Variants in RPS6KC1 observed in about 807,000 individuals in gnomAD.
RPS6KC1 encodes inactive ribosomal protein S6 kinase delta-1.
A neutral mutation model predicts 103.8 loss-of-function variants in RPS6KC1; 54 were observed. That is an observed-to-expected ratio of 0.52 (90% CI 0.42 to 0.65). RPS6KC1 has a LOEUF of 0.65. RPS6KC1 is among the 30% of genes least tolerant of loss of function. The pLI, the probability that RPS6KC1 is intolerant of heterozygous loss-of-function variation, is 0.00. For synonymous variants in RPS6KC1, 439 were observed against 438.7 expected (o/e 1.00, Z -0.01); for missense variants, 1,151 against 1,253.8 (o/e 0.92, Z 1.24).
At chr1:213,632,896 C>T in the RPS6KC1 span, among the ~76,000 whole-genome samples, 20,777 of 152,016 alleles carry the variant, frequency 0.14, 2,187 homozygotes, top group African/African-American at 0.29. Context: ...AACTACGTGA[C>T]GCATGCACAA....
chr1:213,540,310 G>T, the RPS6KC1 span, among the ~76,000 whole-genome samples: 11 of 152,084 alleles, frequency 7.2e-5, 1 homozygote, highest in African/African-American at 2.7e-4. Flanking sequence ...TAGAAACAAG[G>T]TCTCACTATG....
intron 6 of RPS6KC1, among the ~76,000 whole-genome samples, chr1:213,133,154 G>A (rs914417886): frequency 2.6e-5 from 4 of 152,072 alleles, no homozygotes; most frequent in Non-Finnish European, 4.4e-5. Flanking sequence ...AGGTCTTTAT[G>A]GATTTAAGAG....
chr1:213,234,690 A>C (rs989926686), intron 10 of RPS6KC1, among the ~76,000 whole-genome samples: 8 of 152,176 alleles, frequency 5.3e-5, no homozygotes, highest in Non-Finnish European at 1.2e-4. Context: ...CAGAGTAAGG[A>C]CTTTGACTTT....
chr1:213,077,893 C>T, intron 3 of RPS6KC1, 77 bp downstream of exon 3: 1 of 733,810 alleles, frequency 1.4e-6, no homozygotes, highest in Admixed American at 4.0e-5. Flanking sequence ...CATAACTACA[C>T]TATGAAGTCA....
the RPS6KC1 span, among the ~76,000 whole-genome samples, chr1:213,604,078 C>T: frequency 6.6e-6 from 1 of 151,898 alleles, no homozygotes; most frequent in Admixed American, 6.6e-5. Context: ...CAATACTGTT[C>T]TTTTTTAACT....
At chr1:213,661,553 G>A in the RPS6KC1 span, among the ~76,000 whole-genome samples, 1 of 152,216 alleles carries the variant, frequency 6.6e-6, no homozygotes, top group African/African-American at 2.4e-5. Context: ...GAATCAGGAG[G>A]AAGTCAGAGG....
the RPS6KC1 span, among the ~76,000 whole-genome samples, chr1:213,640,294 C>G: frequency 1.3e-5 from 2 of 151,752 alleles, no homozygotes; most frequent in African/African-American, 4.8e-5. Context: ...CTCTCTCTCT[C>G]TTTTTTGTCA....
chr1:213,802,085 C>T, the RPS6KC1 span, among the ~76,000 whole-genome samples: 5 of 152,150 alleles, frequency 3.3e-5, no homozygotes, highest in Admixed American at 6.5e-5. Flanking sequence ...AAGTTATGGT[C>T]GCTGCCCATG....
At chr1:213,370,150 T>C in the RPS6KC1 span, among the ~76,000 whole-genome samples, 1 of 152,198 alleles carries the variant, frequency 6.6e-6, no homozygotes, top group Non-Finnish European at 1.5e-5. Flanking sequence ...GAAAGAGCTC[T>C]TCTTTCTCTT....
chr1:213,484,487 A>C, the RPS6KC1 span, among the ~76,000 whole-genome samples: 4 of 152,248 alleles, frequency 2.6e-5, no homozygotes, highest in Admixed American at 6.5e-5. Context: ...GCTTCACAAC[A>C]TGACAAATGG....
the RPS6KC1 span, among the ~76,000 whole-genome samples, chr1:213,341,116 C>T: frequency 3.9e-5 from 6 of 152,170 alleles, no homozygotes; most frequent in East Asian, 1.9e-4. Flanking sequence ...CCTGTGTAAC[C>T]GGCCATAGTT....
chr1:213,277,061 G>C (rs1319210451), downstream of RPS6KC1, among the ~76,000 whole-genome samples: 2 of 152,130 alleles, frequency 1.3e-5, no homozygotes, highest in Non-Finnish European at 2.9e-5. Context: ...TTAGATTTTT[G>C]ATTATTTTAT....
the RPS6KC1 span, among the ~76,000 whole-genome samples, chr1:213,523,320 C>T: frequency 2.6e-5 from 4 of 152,254 alleles, no homozygotes; most frequent in South Asian, 8.3e-4. Context: ...ATCACTGTAA[C>T]AGCTATAATA....
chr1:213,716,388 C>G, the RPS6KC1 span, among the ~76,000 whole-genome samples: 1 of 152,172 alleles, frequency 6.6e-6, no homozygotes, highest in African/African-American at 2.4e-5. Context: ...AACATTCAGT[C>G]TCCTGGAAAC....
the RPS6KC1 span, among the ~76,000 whole-genome samples, chr1:213,377,352 C>T: frequency 6.6e-6 from 1 of 152,154 alleles, no homozygotes; most frequent in Non-Finnish European, 1.5e-5. Context: ...TCGATTTGAT[C>T]TTTCTGAGGT....
At chr1:213,760,624 A>G in the RPS6KC1 span, among the ~76,000 whole-genome samples, 1 of 152,240 alleles carries the variant, frequency 6.6e-6, no homozygotes. Context: ...TCAGGAAAAT[A>G]TGTATTCAGA....
At chr1:213,576,491 A>G in the RPS6KC1 span, among the ~76,000 whole-genome samples, 1 of 150,312 alleles carries the variant, frequency 6.7e-6, no homozygotes, top group Non-Finnish European at 1.5e-5. Flanking sequence ...TTTGGTAATT[A>G]TTATTATTAT....
chr1:213,665,401 C>G, the RPS6KC1 span, among the ~76,000 whole-genome samples: 2,958 of 151,672 alleles, frequency 0.02, 96 homozygotes, highest in East Asian at 0.094. Context: ...TAAACACACA[C>G]GAACACAAAT....
chr1:213,258,139 G>A (rs1262642380), intron 12 of RPS6KC1, among the ~76,000 whole-genome samples: 1 of 151,910 alleles, frequency 6.6e-6, no homozygotes, highest in Admixed American at 6.6e-5. Flanking sequence ...GCGCCACTAC[G>A]CTTGGCTAAT....
Sources: allele counts gnomAD v4.1 joint callset (sites outside exome capture counted in the v4.1 genomes callset), GRCh38; gene constraint gnomAD v4.1.1; transcripts MANE v1.5; gene names NCBI Gene and HGNC (gene_info 2026-07-23, HGNC 2026-07-21).